Variants in CTNNA2 observed in about 807,000 individuals in gnomAD.
CTNNA2 encodes catenin alpha-2.
Under a neutral mutation model 101.0 loss-of-function variants are expected in CTNNA2, and 42 were observed. The ratio of observed to expected loss-of-function variants is 0.42; its 90% confidence interval spans 0.32 to 0.54. The LOEUF (loss-of-function observed/expected upper bound fraction) is 0.54. Ranked by LOEUF, CTNNA2 falls within the 20% of genes least tolerant of loss-of-function variation. CTNNA2 has a pLI of 0.14. For synonymous variants in CTNNA2, 450 were observed against 456.4 expected, an observed-to-expected ratio of 0.99 and a Z score of 0.18; for missense variants, 871 against 1,223.1, an observed-to-expected ratio of 0.71 and a Z score of 4.29.
At chr2:80,329,232 C>T (rs1310554255) in intron 7 of CTNNA2, among the ~76,000 whole-genome samples, 1 of 152,160 alleles carries the variant, frequency 6.6e-6, no homozygotes, top group Non-Finnish European at 1.5e-5. Flanking sequence ...GGGTGAATAA[C>T]CAGCCTGGTG....
chr2:80,452,826 G>A (rs876178), intron 9 of CTNNA2, among the ~76,000 whole-genome samples: 42,516 of 147,856 alleles, frequency 0.29, 7,496 homozygotes, highest in East Asian at 0.67. Context: ...CCTGCAGTAT[G>A]ATAAGATCTA....
At chr2:79,219,661 A>G (rs926230247) in intron 2 of CTNNA2, among the ~76,000 whole-genome samples, 1 of 152,212 alleles carries the variant, frequency 6.6e-6, no homozygotes, top group Admixed American at 6.5e-5. Context: ...TGGTAAATCC[A>G]TGATATTCGT....
intron 3 of CTNNA2, among the ~76,000 whole-genome samples, chr2:79,786,648 TACACTGCA>T (rs1463067131): frequency 6.6e-6 from 1 of 152,120 alleles, no homozygotes; most frequent in Non-Finnish European, 1.5e-5. Flanking sequence ...TACCTGTCTT[TACACTGCA>T]ACACTAGAGA....
chr2:80,186,944 A>G (rs763688387), intron 7 of CTNNA2, among the ~76,000 whole-genome samples: 2 of 152,226 alleles, frequency 1.3e-5, no homozygotes, highest in African/African-American at 2.4e-5. Flanking sequence ...GTACTAATCT[A>G]TGGGTGGTTG....
intron 3 of CTNNA2, among the ~76,000 whole-genome samples, chr2:79,372,522 G>A (rs1359679537): frequency 6.6e-6 from 1 of 152,088 alleles, no homozygotes; most frequent in Non-Finnish European, 1.5e-5. Context: ...AATAGAAAGG[G>A]GGAAAAGGAT....
At chr2:79,325,015 C>T (rs562703681) in intron 3 of CTNNA2, among the ~76,000 whole-genome samples, 3 of 152,114 alleles carry the variant, frequency 2.0e-5, no homozygotes, top group Admixed American at 1.3e-4. Context: ...CTCAAATCCC[C>T]GGCTTTCTGA....
At chr2:80,506,386 AG>A (rs1465435549) in intron 9 of CTNNA2, among the ~76,000 whole-genome samples, 5 of 152,236 alleles carry the variant, frequency 3.3e-5, no homozygotes, top group African/African-American at 1.2e-4. Context: ...AAATAATGTT[AG>A]TGGGGGACTT....
At position 79,313,011 on chromosome 2, in the gene CTNNA2, G is replaced by A. The variant is rs1676419569; in HGVS notation, c.-318+215G>A. Among the ~76,000 whole-genome samples the A allele has an allele frequency of 2.6e-5, 4 of 152,150 alleles. No homozygotes were observed. The South Asian group carries it at 8.3e-4, about 32-fold the overall frequency. ...GAGCAATTAATTAGATTACAGTATT[G>A]GTCACGTTTGTATCTCACAAGAAAC... On this transcript the variant is annotated intron_variant, in intron 3 of 21. Coordinates refer to the CTNNA2 transcript ENST00000466387.
intron 7 of CTNNA2, among the ~76,000 whole-genome samples, chr2:80,223,412 T>G (rs1416663152): frequency 1.3e-5 from 2 of 152,124 alleles, no homozygotes; most frequent in African/African-American, 4.8e-5. Flanking sequence ...GTGGCTGGGA[T>G]TATAGGCATG....
chr2:80,073,818 A>G (rs1698511303), intron 7 of CTNNA2, among the ~76,000 whole-genome samples: 1 of 151,794 alleles, frequency 6.6e-6, no homozygotes, highest in Non-Finnish European at 1.5e-5. Flanking sequence ...TAACATTTGC[A>G]ATAATATCTT....
intron 4 of CTNNA2, among the ~76,000 whole-genome samples, chr2:79,383,598 A>T (rs549521023): frequency 1.1e-4 from 16 of 152,288 alleles, no homozygotes; most frequent in Admixed American, 3.9e-4. Flanking sequence ...CATAGTGCGT[A>T]TGCAGGCAGA....
intron 7 of CTNNA2, among the ~76,000 whole-genome samples, chr2:79,944,079 C>T (rs969214772): frequency 2.0e-5 from 3 of 151,780 alleles, no homozygotes; most frequent in Non-Finnish European, 2.9e-5. Flanking sequence ...AAACAAATAA[C>T]TTACAGGGAA....
chr2:79,534,380 C>T (rs1280821478), intron 1 of CTNNA2, among the ~76,000 whole-genome samples: 3 of 151,994 alleles, frequency 2.0e-5, no homozygotes, highest in African/African-American at 4.8e-5. Context: ...GTTGAAGGCT[C>T]TAGTGATTAT....
chr2:80,255,510 T>G (rs1372684007), intron 7 of CTNNA2, among the ~76,000 whole-genome samples: 1 of 152,184 alleles, frequency 6.6e-6, no homozygotes, highest in East Asian at 1.9e-4. Context: ...TTCAAATAGA[T>G]TTGTGAGCCT....
At chr2:80,582,536 A>G (rs1225092702) in intron 14 of CTNNA2, among the ~76,000 whole-genome samples, 1 of 152,186 alleles carries the variant, frequency 6.6e-6, no homozygotes, top group African/African-American at 2.4e-5. Flanking sequence ...TCTAAAGAGC[A>G]TCCTAAATTT....
At chr2:79,785,781 G>A (rs1674792084) in intron 3 of CTNNA2, among the ~76,000 whole-genome samples, 1 of 151,998 alleles carries the variant, frequency 6.6e-6, no homozygotes, top group South Asian at 2.1e-4. Context: ...TGGGAAACAG[G>A]TACTCCATTG....
chr2:79,673,504 G>A (rs144243127), intron 2 of CTNNA2, among the ~76,000 whole-genome samples: 1 of 152,022 alleles, frequency 6.6e-6, no homozygotes, highest in African/African-American at 2.4e-5. Flanking sequence ...TAATCATTTC[G>A]TTCCTTAAAA....
intron 3 of CTNNA2, among the ~76,000 whole-genome samples, chr2:79,851,221 ATTTAAG>A (rs1428001337): frequency 6.6e-6 from 1 of 152,212 alleles, no homozygotes; most frequent in African/African-American, 2.4e-5. Flanking sequence ...TTCATTTAAC[ATTTAAG>A]TTTGTTTTGT....
chr2:80,331,168 T>C (rs310784), intron 7 of CTNNA2, among the ~76,000 whole-genome samples: 149,672 of 152,232 alleles, frequency 0.98, 73,594 homozygotes, highest in East Asian at 1. Flanking sequence ...GAGTCTGCCA[T>C]AACTGAGGTG....
Sources: allele counts gnomAD v4.1 joint callset (sites outside exome capture counted in the v4.1 genomes callset), GRCh38; gene constraint gnomAD v4.1.1; transcripts MANE v1.5; gene names NCBI Gene and HGNC (gene_info 2026-07-23, HGNC 2026-07-21).